PEPD: variants seen among roughly 807,000 people sequenced by gnomAD.
PEPD encodes peptidase D, also known as xaa-Pro dipeptidase.
Under a neutral mutation model 60.7 loss-of-function variants are expected in PEPD, and 53 were observed. That is an observed-to-expected ratio of 0.87 (90% CI 0.70 to 1.10). The LOEUF (loss-of-function observed/expected upper bound fraction) is 1.10. Among genes scored for constraint, PEPD ranks in the 50% least tolerant of loss-of-function variants. PEPD has a pLI of 0.00. For synonymous variants in PEPD, 267 were observed against 284.1 expected, an observed-to-expected ratio of 0.94 and a Z score of 0.60; for missense variants, 711 against 711.9, an observed-to-expected ratio of 1.00 and a Z score of 0.01.
chr19:33,468,970 C>T (rs142329997), intron 7 of PEPD, among the ~76,000 whole-genome samples: 1 of 152,268 alleles, frequency 6.6e-6, no homozygotes, highest in African/African-American at 2.4e-5. Flanking sequence ...GCTCAGGCTC[C>T]CGAGGTCCGA....
intron 9 of PEPD, among the ~76,000 whole-genome samples, chr19:33,416,973 C>T (rs914749176): frequency 6.6e-6 from 1 of 152,214 alleles, no homozygotes; most frequent in Non-Finnish European, 1.5e-5. Context: ...GACGGCGTCG[C>T]TGGGCCTCCC....
chr19:33,486,118 A>G (rs1424196260), intron 6 of PEPD, among the ~76,000 whole-genome samples: 1 of 152,028 alleles, frequency 6.6e-6, no homozygotes, highest in Admixed American at 6.6e-5. Context: ...GTTTTCAGAG[A>G]TCTACCATGT....
intron 13 of PEPD, chr19:33,388,517 A>AG (rs1166666537): frequency 6.7e-6 from 2 of 298,108 alleles, no homozygotes; most frequent in East Asian, 1.5e-4. Context: ...CCTTCCAGGC[A>AG]GCCCAAGTAG....
intron 5 of PEPD, 91 bp downstream of exon 5, chr19:33,493,199 C>A: frequency 1.1e-6 from 1 of 921,316 alleles, no homozygotes; most frequent in South Asian, 1.4e-5. Context: ...TAATCCTCCC[C>A]TATGGGCCCG....
rs1487008480 is a variant in PEPD, at chr19:33,391,436, G to C, written c.1011C>G (p.His337Gln). The C allele has an allele frequency of 5.1e-6, 8 of 1,561,798 alleles. No individual in the cohort carries two copies. Among genetic ancestry groups the C allele is most frequent in the Non-Finnish European group, 6.1e-6 (7 of 1,153,186 alleles). ...PDMHRLADRI[H>Q]LEELAHMGIL... is the part of the protein sequence containing the mutation. ...TGCCCATGTGGGCCAGCTCCTCCAG[G>C]TGGATGCGGTCAGCCAGGCGGTGCA... Residue 337 changes from histidine to glutamine, a missense_variant, in exon 13 of 15, where the codon CAC becomes CAG. By Grantham distance (24) the His-to-Gln change is conservative. Coordinates refer to ENST00000244137, the MANE Select transcript of PEPD (RefSeq NM_000285.4).
intron 9 of PEPD, among the ~76,000 whole-genome samples, chr19:33,460,763 G>A (rs1437862288): frequency 1.3e-5 from 2 of 152,168 alleles, no homozygotes; most frequent in East Asian, 3.9e-4. Context: ...CCTGTGGGAG[G>A]CTGCTCCTGG....
At chr19:33,392,517 G>A (rs1475586983) in intron 12 of PEPD, among the ~76,000 whole-genome samples, 2 of 152,166 alleles carry the variant, frequency 1.3e-5, no homozygotes, top group Non-Finnish European at 2.9e-5. Context: ...GGCAGAGGCC[G>A]GGGCCCCAGG....
intron 1 of PEPD, among the ~76,000 whole-genome samples, chr19:33,516,588 C>G (rs1213893437): frequency 6.6e-6 from 1 of 152,078 alleles, no homozygotes; most frequent in Non-Finnish European, 1.5e-5. Context: ...TGTCTCCACA[C>G]AACCCACACC....
intron 6 of PEPD, among the ~76,000 whole-genome samples, chr19:33,488,935 C>T (rs75768663): frequency 0.034 from 5,184 of 152,232 alleles, 152 homozygotes; most frequent in East Asian, 0.076. Flanking sequence ...GGGCTGGGAG[C>T]TGCCCACTGT....
intron 1 of PEPD, among the ~76,000 whole-genome samples, chr19:33,517,312 C>T (rs1234145448): frequency 6.6e-6 from 1 of 152,136 alleles, no homozygotes; most frequent in Non-Finnish European, 1.5e-5. Context: ...ATAATCCCAA[C>T]ATTTTAGGAG....
At chr19:33,490,479 G>A (rs1015085493) in intron 5 of PEPD, among the ~76,000 whole-genome samples, 40 of 152,128 alleles carry the variant, frequency 2.6e-4, no homozygotes, top group African/African-American at 9.7e-4. Flanking sequence ...GAGTCCTGTC[G>A]AACCCAGCCC....
chr19:33,498,446 C>T (rs182283685), intron 4 of PEPD, among the ~76,000 whole-genome samples: 15 of 152,320 alleles, frequency 9.8e-5, no homozygotes, highest in African/African-American at 2.6e-4. Context: ...TCCTCACCCC[C>T]AGAAATCACA....
chr19:33,481,952 C>T lies in PEPD; in HGVS notation c.504-3862G>A, dbSNP rs372159481. On this transcript the variant is annotated intron_variant, in intron 6 of 14. Transcript: ENST00000244137. ...AGGAGAATCACATGGACCCAGGAGG[C>T]GGAGGTGCAGTGAGCTGAGATCACA... Among the ~76,000 whole-genome samples, 81 of 151,862 alleles carry T rather than the reference C, an allele frequency of 5.3e-4. No individual in the cohort carries two copies. In the South Asian group the frequency reaches 0.016, roughly 29 times the overall value.
At chr19:33,399,984 GCTGGGCTCGGGGCACTCTGGGT>G (rs1462333483) in intron 12 of PEPD, among the ~76,000 whole-genome samples, 1 of 152,186 alleles carries the variant, frequency 6.6e-6, no homozygotes, top group Non-Finnish European at 1.5e-5. Context: ...CAGAGCTGGG[GCTGGGCTCGGGGCACTCTGGGT>G]CTGGGGCCTG....
At chr19:33,471,272 C>T (rs1172698146) in intron 7 of PEPD, among the ~76,000 whole-genome samples, 1 of 152,176 alleles carries the variant, frequency 6.6e-6, no homozygotes, top group Non-Finnish European at 1.5e-5. Flanking sequence ...ATCCGTAGGG[C>T]ACTCTGGGCC....
At chr19:33,476,845 A>G (rs1206758304) in intron 7 of PEPD, among the ~76,000 whole-genome samples, 2 of 151,928 alleles carry the variant, frequency 1.3e-5, no homozygotes, top group Admixed American at 1.3e-4. Context: ...TGGTATTTTT[A>G]GTAGAGACGG....
chr19:33,504,486 G>A (rs1017006227), intron 3 of PEPD, among the ~76,000 whole-genome samples: 8 of 152,208 alleles, frequency 5.3e-5, no homozygotes, highest in Non-Finnish European at 8.8e-5. Flanking sequence ...ACTGGAGGCC[G>A]GGCACCGTGG....
chr19:33,490,796 T>A (rs1203848697), intron 5 of PEPD, among the ~76,000 whole-genome samples: 1 of 152,178 alleles, frequency 6.6e-6, no homozygotes, highest in East Asian at 1.9e-4. Flanking sequence ...CTCGAGTAGC[T>A]GGGATTACAG....
intron 1 of PEPD, among the ~76,000 whole-genome samples, chr19:33,517,577 A>T (rs1971046816): frequency 6.6e-6 from 1 of 151,690 alleles, no homozygotes; most frequent in Non-Finnish European, 1.5e-5. Flanking sequence ...CAAAAAACAA[A>T]AAACAAAAAA....
Sources: gnomAD v4.1 joint callset for allele counts (sites outside exome capture counted in the v4.1 genomes callset) on GRCh38, gnomAD v4.1.1 for gene constraint, MANE v1.5 for transcripts, NCBI Gene and HGNC (gene_info 2026-07-23, HGNC 2026-07-21) for gene names.